Variants in BAD observed in about 807,000 individuals in gnomAD.
The protein encoded by BAD is bcl2-associated agonist of cell death.
A neutral mutation model predicts 17.8 loss-of-function variants in BAD; 18 were observed. The observed-to-expected ratio is 1.01, with a 90% confidence interval of 0.70 to 1.50. The LOEUF (loss-of-function observed/expected upper bound fraction) is 1.50. Among genes scored for constraint, BAD ranks in the 40% most tolerant of loss-of-function variants. The pLI is 0.00. For missense variants in BAD, 294 were observed against 239.3 expected, an observed-to-expected ratio of 1.23 and a Z score of -1.51; for synonymous variants, 112 against 91.5, an observed-to-expected ratio of 1.22 and a Z score of -1.28.
intron 3 of BAD, 29 bp downstream of exon 3, chr11:64,271,584 G>A: frequency 7.1e-7 from 1 of 1,399,804 alleles, no homozygotes; most frequent in Non-Finnish European, 9.3e-7. Context: ...GGTACTTCAG[G>A]TCCTGGCACG....
At chr11:64,275,487 C>T (rs577831374) in intron 2 of BAD, among the ~76,000 whole-genome samples, 9 of 152,236 alleles carry the variant, frequency 5.9e-5, no homozygotes, top group African/African-American at 1.7e-4. Context: ...CTGCCAGGAT[C>T]GCCATGACAA....
chr11:64,270,470 C>T, intron 3 of BAD, 133 bp from the exon 4 acceptor site: 1 of 1,303,512 alleles, frequency 7.7e-7, no homozygotes, highest in Non-Finnish European at 1.0e-6. Context: ...CAGGAGGCTC[C>T]ACGCCGGGCG....
At chr11:64,270,376 C>T in intron 3 of BAD, 39 bp from the exon 4 acceptor site, 3 of 1,514,054 alleles carry the variant, frequency 2.0e-6, no homozygotes, top group South Asian at 2.6e-5. Flanking sequence ...GTTAGATTAC[C>T]ATGGCAGCTC....
intron 2 of BAD, chr11:64,275,665 A>T (rs538867700): frequency 1.3e-5 from 2 of 152,150 alleles, no homozygotes; most frequent in South Asian, 4.2e-4. Flanking sequence ...TAGCCACCTA[A>T]ATACGCAGGA....
Position 64,270,105 on chromosome 11 carries a change from G to T in BAD, c.*104C>A. On this transcript the variant is annotated 3_prime_UTR_variant, in exon 4 of 4. Coordinates refer to ENST00000309032, the MANE Select transcript of BAD (RefSeq NM_032989.3). ...GCCCTCCCTCCAAAGGAGACAGCAC[G>T]GATCCTCTTTTTGCATAGGCCTGAG... 1 of 1,559,384 alleles carries T rather than the reference G, an allele frequency of 6.4e-7. No homozygotes were observed. Among genetic ancestry groups the T allele is most frequent in the Non-Finnish European group, 8.8e-7 (1 of 1,142,214 alleles).
At chr11:64,274,390 A>G (rs1383146379) in intron 2 of BAD, among the ~76,000 whole-genome samples, 6 of 142,788 alleles carry the variant, frequency 4.2e-5, no homozygotes, top group Non-Finnish European at 7.7e-5. Flanking sequence ...CTACCTCGAG[A>G]AAAAAAAAAA....
intron 2 of BAD, 136 bp downstream of exon 2, chr11:64,284,046 C>G: frequency 9.2e-7 from 1 of 1,088,848 alleles, no homozygotes; most frequent in South Asian, 1.7e-5. Flanking sequence ...TGCTGTTTTA[C>G]GAAAGAGGAA....
chr11:64,275,357 C>T (rs1198225106), intron 2 of BAD, among the ~76,000 whole-genome samples: 2 of 152,180 alleles, frequency 1.3e-5, no homozygotes, highest in Admixed American at 6.5e-5. Context: ...GGTGCGGTGA[C>T]TGTGGAGCAG....
intron 1 of BAD, 125 bp from the exon 2 acceptor site, chr11:64,284,501 G>A: frequency 6.4e-7 from 1 of 1,571,326 alleles, no homozygotes; most frequent in Non-Finnish European, 8.6e-7. Context: ...AGGCCTCCTG[G>A]GCCCTCATCT....
rs1177656494 is a variant in BAD at position 64,284,650 on chromosome 11, C to T, written c.-28G>A. 1 of 1,532,982 alleles carries T rather than the reference C, an allele frequency of 6.5e-7. No homozygotes were observed. Among genetic ancestry groups the T allele is most frequent in the Non-Finnish European group, 8.7e-7 (1 of 1,145,312 alleles). 95.0% of individuals were successfully genotyped at this position (1,532,982 alleles called of 1,614,324 possible). The stretch of plus-strand genomic sequence containing the variant: ...TCTCACCCCAAGCCCGATCTCGAGG[C>T]CCCTGACCCGGGCCTGCCGCCTCCC... On this transcript the variant is annotated 5_prime_UTR_variant, in exon 1 of 4. Transcript: ENST00000309032.
chr11:64,279,926 G>A lies in BAD; in HGVS notation c.187+4256C>T, dbSNP rs112595668. ...TGGCTGGGCACTGTGGCTCATGCCT[G>A]TAATCCCAGCACTTTGTGAGGCCAA... On this transcript the variant is annotated intron_variant, in intron 2 of 3. Transcript: ENST00000309032. Among the ~76,000 whole-genome samples the A allele has an allele frequency of 1.8e-4, 27 of 152,228 alleles. 5 individuals are homozygous for A. The highest frequency in any genetic ancestry group is 6.0e-4 in the African/African-American group (25 of 41,546).
chr11:64,284,643 C>T lies in BAD; in HGVS notation c.-21G>A, dbSNP rs556266858. The T allele has an allele frequency of 6.5e-7, 1 of 1,531,234 alleles. No homozygotes were observed. Among genetic ancestry groups the T allele is most frequent in the South Asian group, 1.2e-5 (1 of 83,520 alleles). 94.9% of individuals were successfully genotyped at this position (1,531,234 alleles called of 1,614,324 possible). On this transcript the variant is annotated 5_prime_UTR_variant, in exon 1 of 4. Coordinates refer to ENST00000309032, the MANE Select transcript of BAD (RefSeq NM_032989.3). ...GCACAGGTCTCACCCCAAGCCCGAT[C>T]TCGAGGCCCCTGACCCGGGCCTGCC...
At chr11:64,278,146 T>C (rs1293285115) in intron 2 of BAD, among the ~76,000 whole-genome samples, 1 of 151,960 alleles carries the variant, frequency 6.6e-6, no homozygotes, top group African/African-American at 2.4e-5. Flanking sequence ...ATAAAAAAAT[T>C]AGCCAGGCAT....
At chr11:64,274,540 A>G (rs961005207) in intron 2 of BAD, among the ~76,000 whole-genome samples, 3 of 151,074 alleles carry the variant, frequency 2.0e-5, no homozygotes, top group Admixed American at 1.3e-4. Context: ...ATACAAAAAA[A>G]GGCCAGGTGT....
chr11:64,270,649 G>A (rs957453435), intron 3 of BAD: 1 of 608,250 alleles, frequency 1.6e-6, no homozygotes, highest in African/African-American at 1.8e-5. Context: ...GAATCAAAGG[G>A]CCGGGAGCGA....
chr11:64,270,340 G>A lies in BAD; in HGVS notation c.379-3C>T, dbSNP rs754741894. On this transcript the variant is annotated splice_region_variant and splice_polypyrimidine_tract_variant and intron_variant, in intron 3 of 3. Transcript: ENST00000309032. ...CTCTTCGGGCGAGGAAGTCCCTTCT[G>A]GTGGAGGGAGAAAAGGGTTACATGA... 7.1e-6 allele frequency: 11 copies of A among 1,546,064 alleles called. No individual in the cohort carries two copies. The highest frequency in any genetic ancestry group is 9.6e-6 in the Non-Finnish European group (11 of 1,143,070).
chr11:64,277,088 AC>A (rs1312775849), intron 2 of BAD: 4 of 685,254 alleles, frequency 5.8e-6, no homozygotes, highest in South Asian at 4.7e-5. Context: ...ATTACAAGAC[AC>A]TTGCACACTG....
At chr11:64,274,769 C>A (rs553333655) in intron 2 of BAD, among the ~76,000 whole-genome samples, 36 of 150,230 alleles carry the variant, frequency 2.4e-4, no homozygotes, top group Admixed American at 4.6e-4. Context: ...TGCAGTGAGC[C>A]GAGATTGCAC....
chr11:64,270,455 A>C, intron 3 of BAD, 118 bp from the exon 4 acceptor site: 1 of 1,365,722 alleles, frequency 7.3e-7, no homozygotes, highest in Non-Finnish European at 9.8e-7. Flanking sequence ...GAAGGCCACA[A>C]CTCCCAGGAG....
Sources: allele counts gnomAD v4.1 joint callset (sites outside exome capture counted in the v4.1 genomes callset), GRCh38; gene constraint gnomAD v4.1.1; transcripts MANE v1.5; gene names NCBI Gene and HGNC (gene_info 2026-07-23, HGNC 2026-07-21).